The following PTPRN2 variants were observed in gnomAD, a reference collection of about 807,000 sequenced individuals.
PTPRN2 encodes the protein receptor-type tyrosine-protein phosphatase N2.
Under a neutral mutation model 118.8 loss-of-function variants are expected in PTPRN2, and 74 were observed. The ratio of observed to expected loss-of-function variants is 0.62; its 90% CI spans 0.52 to 0.76. The LOEUF (loss-of-function observed/expected upper bound fraction) is 0.76. Among genes scored for constraint, PTPRN2 ranks in the 30% least tolerant of loss-of-function variants. PTPRN2 has a pLI of 0.00. For synonymous variants in PTPRN2, 641 were observed against 608.0 expected (o/e 1.05, Z -0.80); for missense variants, 1,481 against 1,394.4 (o/e 1.06, Z -0.99).
At chr7:158,467,794 T>C (rs972831217) in intron 2 of PTPRN2, among the ~76,000 whole-genome samples, 1 of 152,178 alleles carries the variant, frequency 6.6e-6, no homozygotes, top group African/African-American at 2.4e-5. Context: ...TCCTTTTACA[T>C]GGCGTGTGTT....
intron 11 of PTPRN2, among the ~76,000 whole-genome samples, chr7:158,009,361 A>C (rs1217049259): frequency 6.6e-6 from 1 of 152,122 alleles, no homozygotes; most frequent in East Asian, 1.9e-4. Flanking sequence ...TTCCCAAAAG[A>C]AGTCTTCATT....
rs571672757 is a variant in PTPRN2, at chr7:158,052,870, C to G, written c.1723+28428G>C. 4.7e-3 allele frequency among the ~76,000 whole-genome samples: 711 copies of G among 152,318 alleles called. 5 individuals are homozygous for G. Among genetic ancestry groups the G allele is most frequent in the African/African-American group, 0.016 (665 of 41,574 alleles). On this transcript the variant is annotated intron_variant, in intron 11 of 22. Coordinates refer to ENST00000389418, the MANE Select transcript of PTPRN2 (RefSeq NM_002847.5). ...CGTTCCCTCGAGGCCAGGCTCCACC[C>G]AGGCTGTCCCCAGCCTAGGACAAAG...
Position 157,875,346 on chromosome 7 carries a change from T to C in PTPRN2, c.1788+23327A>G, listed in dbSNP as rs187322435. Among the ~76,000 whole-genome samples, 3 of 152,278 alleles carry C rather than the reference T, an allele frequency of 2.0e-5. No individual in the cohort carries two copies. In the East Asian group the frequency reaches 5.8e-4, roughly 29 times the overall value. ...GCCGAGGGAGCGCGTGAGGGCTTCCTCCTATCAGCGTCCGTATTCATGGTG... is the reference window on the plus strand; with the variant it reads ...GCCGAGGGAGCGCGTGAGGGCTTCCCCCTATCAGCGTCCGTATTCATGGTG... On this transcript the variant is annotated intron_variant, in intron 12 of 22. Transcript: ENST00000389418.
chr7:158,133,819 C>T lies in PTPRN2; in HGVS notation c.1414G>A (p.Glu472Lys). 17 of 1,613,982 alleles carry T rather than the reference C, an allele frequency of 1.1e-5. No homozygotes were observed. The highest frequency in any genetic ancestry group is 1.4e-5 in the Non-Finnish European group (16 of 1,180,022). The change falls in exon 9 of 23, where the codon GAG (glutamate) becomes AAG (lysine). Residue 472 changes from glutamate (E) to lysine (K), a missense_variant. By Grantham distance (56) the Glu-to-Lys change is moderately conservative. Around this residue, in one of 3 missense-constraint regions of PTPRN2, gnomAD observed 1,115 missense variants for 994.2 expected, o/e 1.12. Coordinates refer to ENST00000389418, the MANE Select transcript of PTPRN2 (RefSeq NM_002847.5). Reference protein sequence around the residue: ...HSEPGAAAFGELQNQMPGPSK... With the variant: ...HSEPGAAAFGKLQNQMPGPSK... ...GGCCCAGGCATCTGGTTTTGGAGCT[C>T]CCCAAACGCAGCGGCCCCGGGCTCC... is the stretch of plus-strand genomic sequence containing the variant.
chr7:157,870,950 C>T (rs536292223), intron 12 of PTPRN2, among the ~76,000 whole-genome samples: 9 of 152,310 alleles, frequency 5.9e-5, no homozygotes, highest in East Asian at 3.9e-4. Context: ...GTTTATTGGG[C>T]GTTCGATGTT....
Position 157,676,148 on chromosome 7 carries a change from A to G in PTPRN2, c.2001+6577T>C, listed in dbSNP as rs1273183971. Reference sequence around the variant, plus strand: ...CACAACTTGCAGCCGAGTCCTTTCCACGACACCCCAGCTCCCTGTCTAAAC... The same window carrying G: ...CACAACTTGCAGCCGAGTCCTTTCCGCGACACCCCAGCTCCCTGTCTAAAC... On this transcript the variant is annotated intron_variant, in intron 13 of 22. Coordinates refer to ENST00000389418, the MANE Select transcript of PTPRN2 (RefSeq NM_002847.5). This position sits in a 1 kb window ranked among gnomAD's most constrained non-coding sequence, Gnocchi z 5.6. Among the ~76,000 whole-genome samples, 2 of 151,828 alleles carry G rather than the reference A, an allele frequency of 1.3e-5. No individual in the cohort carries two copies. Among genetic ancestry groups the G allele is most frequent in the Non-Finnish European group, 1.5e-5 (1 of 67,964 alleles).
At chr7:157,976,132 G>A (rs1802724960) in intron 11 of PTPRN2, among the ~76,000 whole-genome samples, 1 of 152,214 alleles carries the variant, frequency 6.6e-6, no homozygotes, top group Admixed American at 6.5e-5. Flanking sequence ...CTGGTGAAAC[G>A]CCGGGAAAGG....
intron 12 of PTPRN2, among the ~76,000 whole-genome samples, chr7:157,691,067 TCCCC>T (rs1279163589): frequency 2.2e-5 from 1 of 44,486 alleles, no homozygotes; most frequent in African/African-American, 8.1e-5. Flanking sequence ...TATAGCGATG[TCCCC>T]CCCCCCCCCC....
rs1261799452 is a variant in PTPRN2, at chr7:157,990,509, A to G, written c.1723+90789T>C. ...GCCACACTCCATGCCACCATGCCCA[A>G]CGGTCCCCGCCCTGCACCCACCTCT... On this transcript the variant is annotated intron_variant, in intron 11 of 22. Transcript: ENST00000389418. The surrounding 1 kb of genome is among the most constrained non-coding windows in gnomAD (Gnocchi z 4.3). Among the ~76,000 whole-genome samples, 3 of 152,018 alleles carry G rather than the reference A, an allele frequency of 2.0e-5. No individual in the cohort carries two copies. The highest frequency in any genetic ancestry group is 4.4e-5 in the Non-Finnish European group (3 of 67,974).
At chr7:157,613,563 G>C (rs955514784) in intron 15 of PTPRN2, among the ~76,000 whole-genome samples, 3 of 152,188 alleles carry the variant, frequency 2.0e-5, no homozygotes, top group East Asian at 3.9e-4. Flanking sequence ...CGGGCTCCTC[G>C]CTGAGCCGCA....
intron 4 of PTPRN2, among the ~76,000 whole-genome samples, chr7:158,204,338 T>A (rs1425836556): frequency 6.6e-6 from 1 of 152,242 alleles, no homozygotes; most frequent in South Asian, 2.1e-4. Flanking sequence ...GGGGGACGGT[T>A]ACCAGTTCTC....
chr7:157,607,485 A>G (rs1295621080), intron 15 of PTPRN2, among the ~76,000 whole-genome samples: 1 of 152,258 alleles, frequency 6.6e-6, no homozygotes, highest in Admixed American at 6.5e-5. Context: ...GGCATTACCA[A>G]GAGCAGGGTC....
chr7:158,568,458 G>GA (rs200900673), intron 1 of PTPRN2, among the ~76,000 whole-genome samples: 2,305 of 136,154 alleles, frequency 0.017, 31 homozygotes, highest in African/African-American at 0.047. Context: ...GTTTGGAGAA[G>GA]AAAAAAAAAA....
At chr7:157,971,972 G>A (rs557965117) in intron 11 of PTPRN2, among the ~76,000 whole-genome samples, 15 of 152,342 alleles carry the variant, frequency 9.8e-5, no homozygotes, top group African/African-American at 3.6e-4. Context: ...TGAGAACTAT[G>A]AAAGCAGAGA....
In PTPRN2 at chr7:158,287,456, C is replaced by A. The variant is rs142536614; in HGVS notation, c.277+29363G>T. On this transcript the variant is annotated intron_variant, in intron 3 of 22. Transcript: ENST00000389418. The stretch of plus-strand genomic sequence containing the variant: ...CTTCTTTTCTGATGTAGGCATTTAT[C>A]ACTATAAACATCCCTCTTAGACCTG... 5.7e-3 allele frequency among the ~76,000 whole-genome samples: 873 copies of A among 152,132 alleles called. 7 individuals are homozygous for A. Among genetic ancestry groups the A allele is most frequent in the Non-Finnish European group, 6.8e-3 (462 of 67,926 alleles).
intron 10 of PTPRN2, among the ~76,000 whole-genome samples, chr7:158,089,439 A>T (rs370805767): frequency 1.0e-4 from 3 of 28,760 alleles, no homozygotes; most frequent in Admixed American, 8.6e-4. Flanking sequence ...GGGAGTCTTC[A>T]CACAAACCTT....
chr7:158,023,949 T>C (rs73745088), intron 11 of PTPRN2, among the ~76,000 whole-genome samples: 1 of 151,472 alleles, frequency 6.6e-6, no homozygotes, highest in African/African-American at 2.4e-5. Flanking sequence ...CAGACACACA[T>C]GCCGGCACAC....
At chr7:157,965,401 G>T (rs1034069861) in intron 11 of PTPRN2, among the ~76,000 whole-genome samples, 1 of 152,146 alleles carries the variant, frequency 6.6e-6, no homozygotes, top group Non-Finnish European at 1.5e-5. Context: ...CGACAGCACC[G>T]CAAGCATCTC....
At chr7:157,578,922 T>G (rs554168003) in intron 17 of PTPRN2, among the ~76,000 whole-genome samples, 1 of 152,320 alleles carries the variant, frequency 6.6e-6, no homozygotes, top group South Asian at 2.1e-4. Flanking sequence ...AATTATAGAG[T>G]GAAGAGGGGT....
Sources: allele counts gnomAD v4.1 joint callset (sites outside exome capture counted in the v4.1 genomes callset), GRCh38; gene constraint gnomAD v4.1.1; regional missense constraint gnomAD v4.1.1; non-coding constraint Gnocchi (gnomAD v3.1); transcripts MANE v1.5; gene names NCBI Gene and HGNC (gene_info 2026-07-23, HGNC 2026-07-21).